MAPDA: variants seen among roughly 807,000 people sequenced by gnomAD.
MAPDA encodes N6,N6-dimethyl-AMP deaminase.
the MAPDA span, chr15:43,351,157 G>A: frequency 7.0e-6 from 7 of 995,014 alleles, no homozygotes; most frequent in Non-Finnish European, 1.1e-5. Flanking sequence ...CCAAGTAGAG[G>A]AGTTAGAAGG....
At chr15:43,337,901 C>T in the MAPDA span, among the ~76,000 whole-genome samples, 1 of 152,140 alleles carries the variant, frequency 6.6e-6, no homozygotes, top group South Asian at 2.1e-4. Context: ...TAAGCAGATA[C>T]TGCAACATAG....
At chr15:43,345,142 C>T in the MAPDA span, among the ~76,000 whole-genome samples, 1 of 152,010 alleles carries the variant, frequency 6.6e-6, no homozygotes, top group Non-Finnish European at 1.5e-5. Flanking sequence ...ATCATGAGGT[C>T]AGGAGATCGA....
the MAPDA span, chr15:43,330,515 G>C: frequency 6.6e-7 from 1 of 1,511,032 alleles, no homozygotes. Context: ...AGGAATGGCA[G>C]TCTGTCACGG....
chr15:43,353,893 A>G, the MAPDA span: 1 of 152,216 alleles, frequency 6.6e-6, no homozygotes, highest in African/African-American at 2.4e-5. Flanking sequence ...AAACCAGTGA[A>G]CCTAAGTGTT....
chr15:43,343,288 A>G, the MAPDA span, among the ~76,000 whole-genome samples: 2 of 152,214 alleles, frequency 1.3e-5, no homozygotes, highest in African/African-American at 4.8e-5. Context: ...TACATGAGTA[A>G]AGTATGGTGT....
At chr15:43,344,106 G>A in the MAPDA span, among the ~76,000 whole-genome samples, 1 of 151,778 alleles carries the variant, frequency 6.6e-6, no homozygotes, top group African/African-American at 2.4e-5. Context: ...CACAGGTAAG[G>A]GGGGAAAAAC....
At chr15:43,335,221 T>A in the MAPDA span, 1 of 1,578,712 alleles carries the variant, frequency 6.3e-7, no homozygotes, top group Non-Finnish European at 8.7e-7. Context: ...ATAATGACTT[T>A]GATGTTGCTT....
the MAPDA span, chr15:43,345,849 TA>T: frequency 1.9e-5 from 30 of 1,613,994 alleles, no homozygotes; most frequent in Non-Finnish European, 2.4e-5. Context: ...TTTCTTACAT[TA>T]AAGGTATTTG....
the MAPDA span, chr15:43,353,426 G>C: frequency 6.6e-6 from 1 of 152,190 alleles, no homozygotes; most frequent in South Asian, 2.1e-4. Flanking sequence ...AAGGATTTCT[G>C]ATAGGTTTTC....
the MAPDA span, chr15:43,340,299 A>T: frequency 2.7e-5 from 43 of 1,614,010 alleles, no homozygotes; most frequent in Non-Finnish European, 3.6e-5. Context: ...TTTGCAGATG[A>T]CGGCGTCAAG....
the MAPDA span, among the ~76,000 whole-genome samples, chr15:43,334,636 TA>T: frequency 4.1e-5 from 2 of 48,638 alleles, no homozygotes; most frequent in Non-Finnish European, 6.1e-5. Flanking sequence ...AAAAAAATTA[TA>T]TATATATATA....
the MAPDA span, chr15:43,330,570 A>T: frequency 1.2e-5 from 17 of 1,453,024 alleles, no homozygotes; most frequent in Non-Finnish European, 1.5e-5. Context: ...GGACCTCGGT[A>T]GGGGGAAAAA....
At chr15:43,338,405 G>C in the MAPDA span, among the ~76,000 whole-genome samples, 1 of 152,342 alleles carries the variant, frequency 6.6e-6, no homozygotes, top group African/African-American at 2.4e-5. Flanking sequence ...ACATGTACCA[G>C]ACATTATTCT....
the MAPDA span, chr15:43,351,838 TG>T: frequency 6.4e-7 from 1 of 1,551,684 alleles, no homozygotes; most frequent in Non-Finnish European, 8.7e-7. Context: ...GTCTCAGGTG[TG>T]GGATCTGTCT....
At chr15:43,343,066 T>C in the MAPDA span, 1 of 1,573,746 alleles carries the variant, frequency 6.4e-7, no homozygotes, top group Non-Finnish European at 8.6e-7. Flanking sequence ...AACTTGGACA[T>C]TGATGTTAGG....
the MAPDA span, among the ~76,000 whole-genome samples, chr15:43,349,833 C>T: frequency 6.6e-6 from 1 of 152,124 alleles, no homozygotes; most frequent in Non-Finnish European, 1.5e-5. Context: ...TAAATATCCA[C>T]AAAAGTGGAG....
At chr15:43,339,820 C>T in the MAPDA span, among the ~76,000 whole-genome samples, 3 of 152,156 alleles carry the variant, frequency 2.0e-5, no homozygotes, top group African/African-American at 4.8e-5. Flanking sequence ...GAATAAAAAC[C>T]TTAAGCCATG....
the MAPDA span, chr15:43,335,892 G>A: frequency 1.9e-6 from 3 of 1,551,504 alleles, no homozygotes; most frequent in Non-Finnish European, 2.6e-6. Flanking sequence ...ATTGTAAGTA[G>A]TATGTAAGAA....
At chr15:43,349,326 C>A in the MAPDA span, 1 of 1,128,398 alleles carries the variant, frequency 8.9e-7, no homozygotes, top group Non-Finnish European at 1.1e-6. Flanking sequence ...AAAGGGTCAT[C>A]TAGAATTTTA....
Sources: allele counts gnomAD v4.1 joint callset (sites outside exome capture counted in the v4.1 genomes callset), GRCh38; gene constraint gnomAD v4.1.1; transcripts MANE v1.5; gene names NCBI Gene and HGNC (gene_info 2026-07-23, HGNC 2026-07-21).